The following SLC25A13 variants were observed in gnomAD, a reference collection of about 807,000 sequenced individuals.
The protein encoded by SLC25A13 is electrogenic aspartate/glutamate antiporter SLC25A13, mitochondrial.
SLC25A13 carries 70 observed loss-of-function variants against 85.5 expected under a neutral mutation model. The observed-to-expected ratio is 0.82, with a 90% CI of 0.68 to 1.00. SLC25A13 has a LOEUF of 1.00. Among genes scored for constraint, SLC25A13 ranks in the 50% least tolerant of loss-of-function variants. The pLI is 0.00. For missense variants in SLC25A13, 765 were observed against 819.8 expected, an observed-to-expected ratio of 0.93 and a Z score of 0.82; for synonymous variants, 259 against 288.7, an observed-to-expected ratio of 0.90 and a Z score of 1.04.
At position 96,129,522 on chromosome 7, in the gene SLC25A13, T is replaced by A. The variant is rs969848539; in HGVS notation, c.1591+2221A>T. 2.6e-5 allele frequency among the ~76,000 whole-genome samples: 4 copies of A among 152,160 alleles called. No individual in the cohort carries two copies. In the South Asian group the frequency reaches 8.3e-4, roughly 32 times the overall value. ...AAGCATACTACTAGCTATTTAAAAT[T>A]TTTTGGAAAAAATTAAAGTATCTAA... On this transcript the variant is annotated intron_variant, in intron 15 of 17. Coordinates refer to ENST00000265631, the MANE Select transcript of SLC25A13 (RefSeq NM_014251.3).
At chr7:96,221,597 A>G (rs1475113167) in intron 4 of SLC25A13, among the ~76,000 whole-genome samples, 3 of 152,210 alleles carry the variant, frequency 2.0e-5, no homozygotes, top group Non-Finnish European at 4.4e-5. Context: ...CCTTTCCAGC[A>G]AGCTTAAAAA....
chr7:96,234,956 T>C (rs1173449329), intron 3 of SLC25A13, 39 bp from the exon 4 acceptor site: 2 of 1,517,652 alleles, frequency 1.3e-6, no homozygotes, highest in Admixed American at 3.4e-5. Context: ...AGTCAGTAGC[T>C]TGTGGAAAAC....
At chr7:96,263,173 T>C (rs1438560218) in intron 3 of SLC25A13, among the ~76,000 whole-genome samples, 2 of 152,102 alleles carry the variant, frequency 1.3e-5, no homozygotes, top group Admixed American at 6.6e-5. Context: ...ATCTGGAGTC[T>C]ACCAGGACTA....
chr7:96,253,424 G>C (rs535168880), intron 3 of SLC25A13, among the ~76,000 whole-genome samples: 1 of 152,128 alleles, frequency 6.6e-6, no homozygotes, highest in African/African-American at 2.4e-5. Flanking sequence ...AGCATTCACC[G>C]AGCAAGTAAC....
intron 13 of SLC25A13, among the ~76,000 whole-genome samples, chr7:96,151,363 C>T (rs993526545): frequency 2.6e-5 from 4 of 151,924 alleles, no homozygotes; most frequent in African/African-American, 7.3e-5. Context: ...TTTGGGAGAC[C>T]AAGGCAGGTG....
At chr7:96,143,593 T>C (rs73708479) in intron 14 of SLC25A13, among the ~76,000 whole-genome samples, 3 of 152,204 alleles carry the variant, frequency 2.0e-5, no homozygotes, top group Non-Finnish European at 4.4e-5. Context: ...TTTATTTACA[T>C]TGTTTACTAT....
At position 96,183,275 on chromosome 7, in the gene SLC25A13, CAAGA is replaced by C. The variant is rs757124281; in HGVS notation, c.1177+998_1177+1001del. 1.7e-4 allele frequency among the ~76,000 whole-genome samples: 26 copies of C among 152,238 alleles called. No individual in the cohort carries two copies. In the East Asian group the frequency reaches 3.3e-3, roughly 19 times the overall value. ...TTCTGGCTTCTAAGGTGAGAGGTTT[CAAGA>C]AAGGTTTATCCTTTTTGTTTTTTTT... is the stretch of plus-strand genomic sequence containing the variant. On this transcript the variant is annotated intron_variant, in intron 11 of 17. Transcript: ENST00000265631.
chr7:96,269,113 T>G (rs953377453), intron 3 of SLC25A13, among the ~76,000 whole-genome samples: 16 of 151,728 alleles, frequency 1.1e-4, no homozygotes, highest in Admixed American at 3.3e-4. Flanking sequence ...AAGCACTGTG[T>G]TTTTTTTTCC....
chr7:96,219,737 G>C, intron 4 of SLC25A13: 1 of 534,288 alleles, frequency 1.9e-6, no homozygotes, highest in Non-Finnish European at 3.8e-6. Context: ...GAGAACCCAT[G>C]GTCTACCTCA....
chr7:96,176,382 T>A (rs1794223499), intron 11 of SLC25A13, among the ~76,000 whole-genome samples: 1 of 152,246 alleles, frequency 6.6e-6, no homozygotes. Flanking sequence ...ATTTTCCAAC[T>A]GCCTCAAAAG....
intron 3 of SLC25A13, among the ~76,000 whole-genome samples, chr7:96,241,104 A>AAGAAAGAAAGAAAGAAAGGC (rs1222929673): frequency 6.9e-6 from 1 of 145,516 alleles, no homozygotes; most frequent in African/African-American, 2.6e-5. Context: ...GAAAGAAAGA[A>AAGAAAGAAAGAAAGAAAGGC]AGGCACTTTA....
At chr7:96,243,948 G>A (rs1187235714) in intron 3 of SLC25A13, among the ~76,000 whole-genome samples, 1 of 152,086 alleles carries the variant, frequency 6.6e-6, no homozygotes, top group Admixed American at 6.6e-5. Flanking sequence ...GATGTGACTC[G>A]CCTCAGAGTT....
At chr7:96,288,210 C>T (rs1448689859) in intron 2 of SLC25A13, among the ~76,000 whole-genome samples, 1 of 152,162 alleles carries the variant, frequency 6.6e-6, no homozygotes, top group Admixed American at 6.5e-5. Flanking sequence ...GCAGGCAGAT[C>T]ACTTGAGGTC....
At chr7:96,140,562 C>G (rs1246892032) in intron 14 of SLC25A13, among the ~76,000 whole-genome samples, 1 of 151,560 alleles carries the variant, frequency 6.6e-6, no homozygotes, top group African/African-American at 2.4e-5. Flanking sequence ...GTCCACCATA[C>G]CCGGCTAATT....
chr7:96,223,645 G>A (rs913665801), intron 4 of SLC25A13, among the ~76,000 whole-genome samples: 3 of 152,154 alleles, frequency 2.0e-5, no homozygotes, highest in Middle Eastern at 3.4e-3. Flanking sequence ...AAAATTAGCT[G>A]GGCGTGGCGA....
intron 2 of SLC25A13, among the ~76,000 whole-genome samples, chr7:96,293,810 G>A (rs567975137): frequency 2.6e-5 from 4 of 152,166 alleles, no homozygotes; most frequent in African/African-American, 9.7e-5. Flanking sequence ...GGAGAAATAG[G>A]AACACTTTTA....
At chr7:96,273,283 G>C (rs1246458888) in intron 3 of SLC25A13, among the ~76,000 whole-genome samples, 1 of 151,990 alleles carries the variant, frequency 6.6e-6, no homozygotes, top group Admixed American at 6.6e-5. Context: ...GAGTAAAAGA[G>C]ACATAACTAA....
intron 15 of SLC25A13, among the ~76,000 whole-genome samples, chr7:96,128,845 C>T (rs993889424): frequency 2.7e-5 from 4 of 150,814 alleles, no homozygotes; most frequent in Non-Finnish European, 5.9e-5. Context: ...CCAAAATGGC[C>T]CTCAAAGATC....
At chr7:96,264,043 C>G (rs1391795599) in intron 3 of SLC25A13, among the ~76,000 whole-genome samples, 2 of 152,094 alleles carry the variant, frequency 1.3e-5, no homozygotes, top group African/African-American at 2.4e-5. Context: ...TGCTCCTTGC[C>G]CAGACTAAAT....
Sources: allele counts gnomAD v4.1 joint callset (sites outside exome capture counted in the v4.1 genomes callset), GRCh38; gene constraint gnomAD v4.1.1; transcripts MANE v1.5; gene names NCBI Gene and HGNC (gene_info 2026-07-23, HGNC 2026-07-21).